TRIM44: variants seen among roughly 807,000 people sequenced by gnomAD.
TRIM44 encodes the protein tripartite motif containing 44, also known as tripartite motif-containing protein 44.
In TRIM44, 13 loss-of-function variants were observed where a neutral mutation model predicts 37.4. That is an observed-to-expected ratio of 0.35 (90% CI 0.23 to 0.55). TRIM44 has a LOEUF of 0.55. Among genes scored for constraint, TRIM44 ranks in the 20% least tolerant of loss-of-function variants. The pLI is 0.89. For synonymous variants in TRIM44, 175 were observed against 157.2 expected (o/e 1.11, Z -0.85); for missense variants, 426 against 437.2 (o/e 0.97, Z 0.23).
At chr11:35,774,512 C>G (rs1590590400) in intron 4 of TRIM44, among the ~76,000 whole-genome samples, 1 of 152,166 alleles carries the variant, frequency 6.6e-6, no homozygotes, top group East Asian at 1.9e-4. Context: ...GTTGCCATTG[C>G]TTTTGGTGTT....
intron 4 of TRIM44, among the ~76,000 whole-genome samples, chr11:35,755,610 T>G (rs1852626609): frequency 6.6e-6 from 1 of 152,172 alleles, no homozygotes; most frequent in African/African-American, 2.4e-5. Context: ...AATGCCTAGG[T>G]TTTCTTCTAG....
At chr11:35,677,820 T>A (rs1333966705) in intron 1 of TRIM44, among the ~76,000 whole-genome samples, 1 of 152,236 alleles carries the variant, frequency 6.6e-6, no homozygotes, top group Admixed American at 6.5e-5. Flanking sequence ...AAATGATAAG[T>A]GATATTTTAA....
chr11:35,787,956 A>G (rs899569825), intron 4 of TRIM44, among the ~76,000 whole-genome samples: 2 of 151,294 alleles, frequency 1.3e-5, no homozygotes, highest in Non-Finnish European at 2.9e-5. Context: ...CCAGGCTGCC[A>G]CTCCCCCCTT....
chr11:35,763,395 A>G (rs1171796823), intron 4 of TRIM44, among the ~76,000 whole-genome samples: 1 of 152,166 alleles, frequency 6.6e-6, no homozygotes, highest in Non-Finnish European at 1.5e-5. Flanking sequence ...AGGGAAATGG[A>G]GAGGACTTAG....
chr11:35,782,213 T>G (rs1039165637), intron 4 of TRIM44, among the ~76,000 whole-genome samples: 3 of 152,122 alleles, frequency 2.0e-5, no homozygotes, highest in African/African-American at 7.2e-5. Flanking sequence ...CTAATCCAGC[T>G]GGGGTAGGAT....
rs749047559 is a variant in TRIM44 at position 35,817,131 on chromosome 11, AACTG to A, written c.*10753_*10756del. 3.9e-5 allele frequency: 6 copies of A among 152,220 alleles called. No individual in the cohort carries two copies. The highest frequency in any genetic ancestry group is 8.8e-5 in the Non-Finnish European group (6 of 68,042). The allele number at this position is 152,220 out of a possible 1,614,324, so 9.4% of individuals were successfully genotyped here. A position where few individuals can be genotyped will look rare whatever the true frequency, so the allele number is the denominator to read the frequency against. ...GTAGATGTTCAAATTTATGGACTTAAACTGACTGACATCTTGATAATGCCCATAT... is the reference window on the plus strand; with the variant it reads ...GTAGATGTTCAAATTTATGGACTTAAACTGACATCTTGATAATGCCCATAT... On this transcript the variant is annotated 3_prime_UTR_variant, in exon 5 of 5. Coordinates refer to ENST00000299413, the MANE Select transcript of TRIM44 (RefSeq NM_017583.6).
intron 4 of TRIM44, 107 bp from the exon 5 acceptor site, chr11:35,806,251 T>G: frequency 7.9e-7 from 1 of 1,260,104 alleles, no homozygotes; most frequent in Non-Finnish European, 1.2e-6. Flanking sequence ...TAGTTAAGAC[T>G]TAATTCCAGG....
chr11:35,673,475 G>C (rs1851423719), intron 1 of TRIM44, among the ~76,000 whole-genome samples: 1 of 152,210 alleles, frequency 6.6e-6, no homozygotes, highest in Non-Finnish European at 1.5e-5. Flanking sequence ...TGTTAGCATA[G>C]ATGAAAATAC....
chr11:35,745,648 C>T (rs948346790), intron 4 of TRIM44, among the ~76,000 whole-genome samples: 1 of 152,166 alleles, frequency 6.6e-6, no homozygotes, highest in Non-Finnish European at 1.5e-5. Flanking sequence ...TAATTATTTA[C>T]CCCATTATTC....
Position 35,807,103 on chromosome 11 carries a change from T to C in TRIM44, c.*718T>C, listed in dbSNP as rs1050370739. On this transcript the variant is annotated 3_prime_UTR_variant, in exon 5 of 5. Transcript: ENST00000299413. The stretch of plus-strand genomic sequence containing the variant: ...GGACCAAAGAAGTCTGATTAAAAGT[T>C]GAAATCAGTATTTCTGAATTCAAAT... 2.0e-5 allele frequency: 3 copies of C among 152,218 alleles called. No homozygotes were observed. The highest frequency in any genetic ancestry group is 4.4e-5 in the Non-Finnish European group (3 of 68,042). 9.4% of individuals were successfully genotyped at this position (152,218 alleles called of 1,614,324 possible). A position where few individuals can be genotyped will look rare whatever the true frequency, so the allele number is the denominator to read the frequency against.
intron 4 of TRIM44, among the ~76,000 whole-genome samples, chr11:35,738,809 C>T (rs1424935779): frequency 6.6e-6 from 1 of 152,084 alleles, no homozygotes; most frequent in African/African-American, 2.4e-5. Context: ...GAAATGAAGC[C>T]GGAGACACTG....
At chr11:35,784,566 T>C (rs1333946023) in intron 4 of TRIM44, among the ~76,000 whole-genome samples, 1 of 152,262 alleles carries the variant, frequency 6.6e-6, no homozygotes, top group African/African-American at 2.4e-5. Context: ...AAAGAAGGAA[T>C]AGTGATTGCA....
At chr11:35,675,550 TTTTG>T (rs1298077262) in intron 1 of TRIM44, among the ~76,000 whole-genome samples, 3 of 151,984 alleles carry the variant, frequency 2.0e-5, no homozygotes, top group African/African-American at 7.3e-5. Flanking sequence ...ACCCCTCTAT[TTTTG>T]TTTGTTTGTT....
intron 1 of TRIM44, among the ~76,000 whole-genome samples, chr11:35,677,169 G>T (rs1020141273): frequency 6.6e-6 from 1 of 152,130 alleles, no homozygotes; most frequent in South Asian, 2.1e-4. Context: ...GCTAGCAAGC[G>T]TAAGGACTGG....
intron 4 of TRIM44, among the ~76,000 whole-genome samples, chr11:35,765,958 A>T (rs1381231777): frequency 1.3e-5 from 2 of 152,224 alleles, no homozygotes; most frequent in Non-Finnish European, 2.9e-5. Context: ...TAAGGAAAGG[A>T]TATGGTACAT....
intron 2 of TRIM44, among the ~76,000 whole-genome samples, chr11:35,719,105 G>A (rs1852070908): frequency 6.6e-6 from 1 of 152,152 alleles, no homozygotes; most frequent in Admixed American, 6.5e-5. Context: ...ATACCAAGGA[G>A]CATGATTGCT....
intron 3 of TRIM44, among the ~76,000 whole-genome samples, chr11:35,734,941 T>TG (rs1852310554): frequency 2.0e-5 from 3 of 152,194 alleles, no homozygotes; most frequent in Non-Finnish European, 4.4e-5. Context: ...ATTTCTTGAG[T>TG]CCCAGTTCAG....
chr11:35,751,868 C>T (rs1335332853), intron 4 of TRIM44, among the ~76,000 whole-genome samples: 1 of 152,170 alleles, frequency 6.6e-6, no homozygotes, highest in Non-Finnish European at 1.5e-5. Flanking sequence ...CATGTTCTGT[C>T]AATCCTGAGA....
At chr11:35,672,932 G>T (rs1851415050) in intron 1 of TRIM44, among the ~76,000 whole-genome samples, 1 of 152,194 alleles carries the variant, frequency 6.6e-6, no homozygotes, top group Admixed American at 6.5e-5. Flanking sequence ...TAAGACCAAG[G>T]TAAAGGGGAT....
Sources: allele counts gnomAD v4.1 joint callset (sites outside exome capture counted in the v4.1 genomes callset), GRCh38; gene constraint gnomAD v4.1.1; transcripts MANE v1.5; gene names NCBI Gene and HGNC (gene_info 2026-07-23, HGNC 2026-07-21).